PM20D2: variants seen among roughly 807,000 people sequenced by gnomAD.
The protein encoded by PM20D2 is xaa-Arg dipeptidase.
In PM20D2, 33 loss-of-function variants were observed where a neutral mutation model predicts 42.9. The ratio of observed to expected loss-of-function variants is 0.77; its 90% CI spans 0.58 to 1.03. The LOEUF (loss-of-function observed/expected upper bound fraction) is 1.03, where lower values mean the gene tolerates loss of function less well. Among genes scored for constraint, PM20D2 ranks in the 50% least tolerant of loss-of-function variants. PM20D2 has a pLI of 0.00. For missense variants in PM20D2, 548 were observed against 557.0 expected, an observed-to-expected ratio of 0.98 and a Z score of 0.16; for synonymous variants, 250 against 228.2, an observed-to-expected ratio of 1.10 and a Z score of -0.86.
the PM20D2 span, among the ~76,000 whole-genome samples, chr6:89,102,127 G>T: frequency 2.0e-5 from 3 of 150,870 alleles, no homozygotes; most frequent in African/African-American, 4.9e-5. Context: ...ACCATGTAGA[G>T]CCTCTTCAAT....
the PM20D2 span, among the ~76,000 whole-genome samples, chr6:89,123,152 G>T: frequency 6.6e-6 from 1 of 152,142 alleles, no homozygotes; most frequent in Non-Finnish European, 1.5e-5. Context: ...GAAAATCTTG[G>T]GGGGGTGTTT....
the PM20D2 span, among the ~76,000 whole-genome samples, chr6:89,107,576 CA>C: frequency 2.0e-5 from 3 of 151,890 alleles, no homozygotes; most frequent in Non-Finnish European, 4.4e-5. Context: ...CAAAAAAATA[CA>C]AAAATCAGCC....
chr6:89,149,326 C>T lies in PM20D2; in HGVS notation c.527C>T (p.Ala176Val). Residue 176 changes from alanine (A) to valine (V), a missense_variant, in exon 2 of 7, where the codon GCA (alanine) becomes GTA (valine). Ala to Val is a moderately conservative substitution (Grantham distance 64). Transcript: ENST00000275072. ...DGGGKIDLIE[A>V]GAFTNLDVVF... ...GGTGGCAAAATTGATTTAATTGAAGCAGGGGCTTTTACAAATCTTGATGTT... is the reference window on the plus strand; with the variant it reads ...GGTGGCAAAATTGATTTAATTGAAGTAGGGGCTTTTACAAATCTTGATGTT... 6.2e-7 allele frequency: 1 copy of T among 1,614,016 alleles called. No homozygotes were observed. Among genetic ancestry groups the T allele is most frequent in the East Asian group, 2.2e-5 (1 of 44,868 alleles).
intron 4 of PM20D2, among the ~76,000 whole-genome samples, 162 bp from the exon 5 acceptor site, chr6:89,158,158 TAAATC>T (rs1771114094): frequency 6.6e-6 from 1 of 152,150 alleles, no homozygotes; most frequent in Non-Finnish European, 1.5e-5. Flanking sequence ...TTATAGAAAA[TAAATC>T]TTTTTTCTTT....
At chr6:89,116,727 A>C in the PM20D2 span, among the ~76,000 whole-genome samples, 1 of 151,636 alleles carries the variant, frequency 6.6e-6, no homozygotes, top group African/African-American at 2.4e-5. Flanking sequence ...GCCAACCAAG[A>C]TCGGGCCATT....
At chr6:89,133,785 G>A in the PM20D2 span, among the ~76,000 whole-genome samples, 1 of 151,250 alleles carries the variant, frequency 6.6e-6, no homozygotes, top group East Asian at 1.9e-4. Context: ...CCTTGAGGAA[G>A]GAAGCCACAC....
the PM20D2 span, chr6:89,098,395 G>A: frequency 1.4e-4 from 89 of 637,282 alleles, no homozygotes; most frequent in Non-Finnish European, 2.1e-4. Flanking sequence ...AATTTGTAGT[G>A]TGGGCCCTTT....
chr6:89,100,098 G>C, the PM20D2 span, among the ~76,000 whole-genome samples: 2 of 152,156 alleles, frequency 1.3e-5, 1 homozygote, highest in South Asian at 4.1e-4. Context: ...GAGTGAATTA[G>C]AGACCAAAAA....
At chr6:89,117,779 C>T in the PM20D2 span, 17 of 1,519,518 alleles carry the variant, frequency 1.1e-5, no homozygotes, top group Non-Finnish European at 1.5e-5. Flanking sequence ...GGCTGTTACC[C>T]CGCCCCTCCT....
the PM20D2 span, chr6:89,098,970 A>G: frequency 1.3e-6 from 2 of 1,585,504 alleles, no homozygotes; most frequent in Non-Finnish European, 1.7e-6. Context: ...ATAATGTTAG[A>G]GCATATATTT....
chr6:89,160,761 C>A lies in PM20D2; in HGVS notation c.1049-1022C>A, dbSNP rs141919861. Among the ~76,000 whole-genome samples the A allele has an allele frequency of 3.3e-3, 507 of 152,172 alleles. 10 individuals carry two copies. Among genetic ancestry groups the A allele is most frequent in the Non-Finnish European group, 1.4e-3 (97 of 68,002 alleles). ...TAATACATCTCTGTGAGAGCTTATG[C>A]TAGAGGAATTTCACTTTATGGGAAG... On this transcript the variant is annotated intron_variant, in intron 5 of 6. Coordinates refer to ENST00000275072, the MANE Select transcript of PM20D2 (RefSeq NM_001010853.3).
At chr6:89,151,723 A>C (rs1417309919) in intron 2 of PM20D2, among the ~76,000 whole-genome samples, 1 of 152,200 alleles carries the variant, frequency 6.6e-6, no homozygotes, top group African/African-American at 2.4e-5. Context: ...TTTTAAAATT[A>C]AATAGTATGT....
chr6:89,156,439 A>G (rs1161395303), intron 4 of PM20D2, among the ~76,000 whole-genome samples: 1 of 152,232 alleles, frequency 6.6e-6, no homozygotes, highest in African/African-American at 2.4e-5. Context: ...TCTTGTGAGA[A>G]TTAAATGAGA....
the PM20D2 span, among the ~76,000 whole-genome samples, chr6:89,116,601 C>T: frequency 6.6e-6 from 1 of 151,960 alleles, no homozygotes; most frequent in South Asian, 2.1e-4. Context: ...ATAATGAAAC[C>T]TCATCTCTAC....
intron 5 of PM20D2, among the ~76,000 whole-genome samples, chr6:89,158,967 G>A (rs1387155388): frequency 6.6e-6 from 1 of 152,098 alleles, no homozygotes; most frequent in Non-Finnish European, 1.5e-5. Context: ...AAAAATAGAT[G>A]TTGTTGAAGT....
At chr6:89,151,334 A>G (rs1770832814) in intron 2 of PM20D2, among the ~76,000 whole-genome samples, 1 of 149,470 alleles carries the variant, frequency 6.7e-6, no homozygotes, top group African/African-American at 2.5e-5. Flanking sequence ...GGTTCAAGGG[A>G]TTCTCCTGCC....
At chr6:89,101,958 T>C in the PM20D2 span, among the ~76,000 whole-genome samples, 1 of 150,982 alleles carries the variant, frequency 6.6e-6, no homozygotes, top group Non-Finnish European at 1.5e-5. Flanking sequence ...ATGTGTACTA[T>C]AAGAAATACT....
At chr6:89,114,256 C>T in the PM20D2 span, among the ~76,000 whole-genome samples, 12 of 152,168 alleles carry the variant, frequency 7.9e-5, no homozygotes, top group African/African-American at 2.4e-4. Flanking sequence ...GATGAAACCC[C>T]GTCTCTACTA....
Position 89,146,505 on chromosome 6 carries a change from G to C in PM20D2, c.361G>C (p.Gly121Arg), listed in dbSNP as rs1257344206. 2.1e-5 allele frequency: 32 copies of C among 1,522,232 alleles called. No homozygotes were observed. The highest frequency in any genetic ancestry group is 2.8e-5 in the Non-Finnish European group (32 of 1,142,340). The allele number at this position is 1,522,232 out of a possible 1,614,324, so 94.3% of individuals were successfully genotyped here. A position where few individuals can be genotyped will look rare whatever the true frequency, so the allele number is the denominator to read the frequency against. ...CGAGTACGACGCGCTGCCCGGCATCGGCCACGCCTGCGGCCACAACCTCAT... is the reference window on the plus strand; with the variant it reads ...CGAGTACGACGCGCTGCCCGGCATCCGCCACGCCTGCGGCCACAACCTCAT... Reference protein sequence around the residue: ...LCEYDALPGIGHACGHNLIAE... With the variant: ...LCEYDALPGIRHACGHNLIAE... The change falls in exon 1 of 7, where the codon GGC becomes CGC. Residue 121 changes from glycine (G) to arginine (R), a missense_variant. This residue lies in a region of PM20D2 where 470 missense variants were observed against 464.4 expected (regional missense o/e 1.01). Transcript: ENST00000275072.
Sources: allele counts gnomAD v4.1 joint callset (sites outside exome capture counted in the v4.1 genomes callset), GRCh38; gene constraint gnomAD v4.1.1; regional missense constraint gnomAD v4.1.1; transcripts MANE v1.5; gene names NCBI Gene and HGNC (gene_info 2026-07-23, HGNC 2026-07-21).